Variants in CRACR2A observed in about 807,000 individuals in gnomAD.
The protein encoded by CRACR2A is EF-hand calcium-binding domain-containing protein 4B.
CRACR2A carries 79 observed loss-of-function variants against 90.5 expected under a neutral mutation model. The ratio of observed to expected loss-of-function variants is 0.87; its 90% CI spans 0.73 to 1.05. CRACR2A has a LOEUF of 1.05. Ranked by LOEUF, CRACR2A falls within the 50% of genes least tolerant of loss-of-function variation. The pLI is 0.00. For missense variants in CRACR2A, 823 were observed against 897.2 expected (o/e 0.92, Z 1.06); for synonymous variants, 338 against 356.7 (o/e 0.95, Z 0.59).
In CRACR2A at chr12:3,720,034, G is replaced by A. The variant is rs577532636; in HGVS notation, c.-117-6717C>T. 1.3e-3 allele frequency among the ~76,000 whole-genome samples: 190 copies of A among 151,754 alleles called. 1 individual carries two copies. Among genetic ancestry groups the A allele is most frequent in the African/African-American group, 4.3e-3 (178 of 41,302 alleles). On this transcript the variant is annotated intron_variant, in intron 2 of 19. Coordinates refer to ENST00000440314, the MANE Select transcript of CRACR2A (RefSeq NM_001144958.2). ...CTGAAGAAGCTGAGGCAGGAGAATC[G>A]CTTGAACCCAGGAGGCAGAAGTTGC...
intron 4 of CRACR2A, among the ~76,000 whole-genome samples, chr12:3,691,559 C>T (rs747670980): frequency 6.6e-6 from 1 of 152,096 alleles, no homozygotes; most frequent in Non-Finnish European, 1.5e-5. Flanking sequence ...ACCTTTATAG[C>T]TGCCTTTAAC....
In CRACR2A at chr12:3,680,182, A is replaced by T. The variant is rs2137615010; in HGVS notation, c.340+56T>A. 2.1e-6 allele frequency: 3 copies of T among 1,423,470 alleles called. No individual in the cohort carries two copies. In the East Asian group the frequency reaches 6.8e-5, roughly 32 times the overall value. 88.2% of individuals were successfully genotyped at this position (1,423,470 alleles called of 1,614,324 possible). ...TCTACAAGGGACAGGAATGCACCTT[A>T]TACAGTGTTAGGTAGACCCATAACC... On this transcript the variant is annotated intron_variant, in intron 5 of 19. Coordinates refer to ENST00000440314, the MANE Select transcript of CRACR2A (RefSeq NM_001144958.2).
In CRACR2A at chr12:3,683,524, A is replaced by T. The variant is rs540162581; in HGVS notation, c.229-3175T>A. ...CTTGGCTCCTTTAAACACCAGCCTCACTCTTTCTTCACTCTCAGCTCCTGC... is the reference window on the plus strand; with the variant it reads ...CTTGGCTCCTTTAAACACCAGCCTCTCTCTTTCTTCACTCTCAGCTCCTGC... On this transcript the variant is annotated intron_variant, in intron 4 of 19. Coordinates refer to ENST00000440314, the MANE Select transcript of CRACR2A (RefSeq NM_001144958.2). Among the ~76,000 whole-genome samples the T allele has an allele frequency of 2.0e-5, 3 of 151,780 alleles. No homozygotes were observed. The East Asian group carries it at 5.8e-4, about 29-fold the overall frequency.
At chr12:3,637,498 TCTC>T (rs1565467366) in intron 14 of CRACR2A, among the ~76,000 whole-genome samples, 6 of 152,136 alleles carry the variant, frequency 3.9e-5, no homozygotes. Context: ...TCCCCAATTT[TCTC>T]CTTTTTTTCC....
At chr12:3,734,299 A>G (rs1318160059) in intron 1 of CRACR2A, among the ~76,000 whole-genome samples, 3 of 152,086 alleles carry the variant, frequency 2.0e-5, no homozygotes, top group African/African-American at 7.2e-5. Context: ...AAATTCTGCA[A>G]CATATGCCAA....
intron 14 of CRACR2A, among the ~76,000 whole-genome samples, chr12:3,636,014 G>A (rs144751554): frequency 2.5e-4 from 38 of 152,010 alleles, no homozygotes; most frequent in Admixed American, 1.2e-3. Context: ...TTTAACAGCC[G>A]TATAATATTC....
intron 1 of CRACR2A, among the ~76,000 whole-genome samples, chr12:3,747,281 C>A (rs1473991177): frequency 6.6e-6 from 1 of 152,168 alleles, no homozygotes; most frequent in Non-Finnish European, 1.5e-5. Context: ...CATAACAGTG[C>A]CTATTTCATA....
Position 3,627,423 on chromosome 12 carries a change from G to A in CRACR2A, c.1932+13C>T, listed in dbSNP as rs1944285241. The A allele has an allele frequency of 1.3e-6, 2 of 1,546,830 alleles. No homozygotes were observed. Among genetic ancestry groups the A allele is most frequent in the Admixed American group, 3.9e-5 (2 of 50,970 alleles). ...GTCAAGCCTAAATGCTCCTAGGAAGGTCGCCAGCTCACCTCCACGCTGCTC... is the reference window on the plus strand; with the variant it reads ...GTCAAGCCTAAATGCTCCTAGGAAGATCGCCAGCTCACCTCCACGCTGCTC... On this transcript the variant is annotated intron_variant, in intron 17 of 19. Coordinates refer to ENST00000440314, the MANE Select transcript of CRACR2A (RefSeq NM_001144958.2).
rs1297968035 is a variant in CRACR2A at position 3,746,594 on chromosome 12, G to C, written c.-387+6421C>G. The stretch of plus-strand genomic sequence containing the variant: ...AAATTTCGGTTGTCTGTGATATTTT[G>C]TTCTGTCTGCCAGAACAAAGACATC... On this transcript the variant is annotated intron_variant, in intron 1 of 19. Coordinates refer to ENST00000440314, the MANE Select transcript of CRACR2A (RefSeq NM_001144958.2). The surrounding 1 kb of genome is among the most constrained non-coding windows in gnomAD (Gnocchi z 4.4). 2.0e-5 allele frequency among the ~76,000 whole-genome samples: 3 copies of C among 152,190 alleles called. No individual in the cohort carries two copies. Among genetic ancestry groups the C allele is most frequent in the African/African-American group, 4.8e-5 (2 of 41,432 alleles).
chr12:3,703,151 C>T lies in CRACR2A; in HGVS notation c.-36-6116G>A, dbSNP rs190672035. ...TTGCTCAGGCTGGAGTGCAGTGGCGCGATCTCTGGCTTACTGCAAGCTCCA... is the reference window on the plus strand; with the variant it reads ...TTGCTCAGGCTGGAGTGCAGTGGCGTGATCTCTGGCTTACTGCAAGCTCCA... On this transcript the variant is annotated intron_variant, in intron 3 of 19. Coordinates refer to ENST00000440314, the MANE Select transcript of CRACR2A (RefSeq NM_001144958.2). Among the ~76,000 whole-genome samples the T allele has an allele frequency of 7.6e-3, 1,161 of 152,306 alleles. 6 individuals carry two copies. The highest frequency in any genetic ancestry group is 0.017 in the South Asian group (82 of 4,830).
chr12:3,630,918 C>T (rs915016687), intron 15 of CRACR2A, among the ~76,000 whole-genome samples: 16 of 152,174 alleles, frequency 1.1e-4, no homozygotes, highest in Non-Finnish European at 2.2e-4. Flanking sequence ...GAGGACCCCT[C>T]GGAGGATGGA....
chr12:3,673,418 A>T, intron 7 of CRACR2A, 28 bp downstream of exon 7: 2 of 1,595,672 alleles, frequency 1.3e-6, no homozygotes, highest in Non-Finnish European at 1.7e-6. Context: ...ACATAGTTAC[A>T]GAAAGCGGCT....
chr12:3,687,659 T>C (rs1412553394), intron 4 of CRACR2A, among the ~76,000 whole-genome samples: 1 of 152,230 alleles, frequency 6.6e-6, no homozygotes, highest in Non-Finnish European at 1.5e-5. Flanking sequence ...AATGGACACA[T>C]ACATGTGTCT....
At chr12:3,738,563 T>C (rs989577530) in intron 1 of CRACR2A, among the ~76,000 whole-genome samples, 2 of 152,168 alleles carry the variant, frequency 1.3e-5, no homozygotes, top group Non-Finnish European at 2.9e-5. Context: ...AACTGGAAGC[T>C]GGGTCAATAA....
Position 3,627,493 on chromosome 12 carries a change from G to A in CRACR2A, c.1875C>T (p.Tyr625=), listed in dbSNP as rs763559946. ...FRKADGVIVM[Y]DLTDKQSFLS... ...GGAACGACTGCTTGTCTGTGAGATC[G>A]TACATGACGATGACACCATCTGCCT... Residue 625 remains tyrosine (Y), a synonymous_variant, in exon 17 of 20, where the codon TAC becomes TAT. Transcript: ENST00000440314. 3.3e-5 allele frequency: 51 copies of A among 1,551,774 alleles called. No individual in the cohort carries two copies. The highest frequency in any genetic ancestry group is 4.3e-5 in the Non-Finnish European group (49 of 1,147,066).
chr12:3,725,305 G>A (rs951498589), intron 2 of CRACR2A, among the ~76,000 whole-genome samples: 7 of 152,138 alleles, frequency 4.6e-5, no homozygotes, highest in South Asian at 2.1e-4. Context: ...AGGTGACTGC[G>A]GCGCTGTGTC....
At chr12:3,681,797 C>G (rs975673111) in intron 4 of CRACR2A, among the ~76,000 whole-genome samples, 4 of 152,158 alleles carry the variant, frequency 2.6e-5, no homozygotes, top group Admixed American at 2.6e-4. Flanking sequence ...TATGGCAGTT[C>G]TAGCTGATAA....
chr12:3,659,957 G>T (rs1229797637), intron 7 of CRACR2A, among the ~76,000 whole-genome samples: 1 of 152,110 alleles, frequency 6.6e-6, no homozygotes, highest in East Asian at 1.9e-4. Context: ...AGCTTCCCTG[G>T]ACCATCTCCC....
At chr12:3,625,580 C>A (rs1291938878) in intron 17 of CRACR2A, among the ~76,000 whole-genome samples, 1 of 148,698 alleles carries the variant, frequency 6.7e-6, no homozygotes, top group East Asian at 2.0e-4. Context: ...AGAAGTTAGG[C>A]CTTCCCTTTC....
Sources: gnomAD v4.1 joint callset for allele counts (sites outside exome capture counted in the v4.1 genomes callset) on GRCh38, gnomAD v4.1.1 for gene constraint, Gnocchi (gnomAD v3.1) non-coding constraint, MANE v1.5 for transcripts, NCBI Gene and HGNC (gene_info 2026-07-23, HGNC 2026-07-21) for gene names.